Variants in HAPLN1 observed in about 807,000 individuals in gnomAD.
HAPLN1 encodes hyaluronan and proteoglycan link protein 1, also known as Cartilage link protein.
A neutral mutation model predicts 36.5 loss-of-function variants in HAPLN1; 13 were observed. The observed-to-expected ratio is 0.36, with a 90% CI of 0.23 to 0.57. The LOEUF (loss-of-function observed/expected upper bound fraction) is 0.57, where lower values mean the gene tolerates loss of function less well. Ranked by LOEUF, HAPLN1 falls within the 20% of genes least tolerant of loss-of-function variation. The pLI is 0.83. For missense variants in HAPLN1, 407 were observed against 439.7 expected, an observed-to-expected ratio of 0.93 and a Z score of 0.66; for synonymous variants, 202 against 169.8, an observed-to-expected ratio of 1.19 and a Z score of -1.48.
At chr5:83,660,480 G>A (rs1750354320) in intron 2 of HAPLN1, among the ~76,000 whole-genome samples, 1 of 152,134 alleles carries the variant, frequency 6.6e-6, no homozygotes, top group African/African-American at 2.4e-5. Context: ...CTCTGCTTGA[G>A]ATGGGCATCA....
At chr5:83,650,575 G>A (rs1750026371) in intron 3 of HAPLN1, among the ~76,000 whole-genome samples, 1 of 151,468 alleles carries the variant, frequency 6.6e-6, no homozygotes, top group Non-Finnish European at 1.5e-5. Context: ...TGTTCCCTAA[G>A]CATGGAGAGT....
chr5:83,705,820 A>T (rs923783465), intron 1 of HAPLN1, among the ~76,000 whole-genome samples: 14 of 152,134 alleles, frequency 9.2e-5, no homozygotes, highest in African/African-American at 3.4e-4. Context: ...AGATCGAAAG[A>T]CTGCTAACTA....
intron 2 of HAPLN1, among the ~76,000 whole-genome samples, chr5:83,672,070 C>T (rs186042543): frequency 6.6e-6 from 1 of 152,282 alleles, no homozygotes; most frequent in East Asian, 1.9e-4. Context: ...TTCTCATACT[C>T]TGAGTGCAAT....
At chr5:83,695,114 T>C (rs78597312) in intron 1 of HAPLN1, among the ~76,000 whole-genome samples, 2,311 of 152,210 alleles carry the variant, frequency 0.015, 20 homozygotes, top group Middle Eastern at 0.027. Flanking sequence ...TATTAGAAAA[T>C]CAATGTAATT....
intron 1 of HAPLN1, among the ~76,000 whole-genome samples, chr5:83,679,521 C>T (rs1367666864): frequency 6.6e-6 from 1 of 152,150 alleles, no homozygotes; most frequent in Non-Finnish European, 1.5e-5. Context: ...ACCTCCAAAT[C>T]TTTCTGACCC....
intron 2 of HAPLN1, among the ~76,000 whole-genome samples, chr5:83,657,016 C>T (rs984946156): frequency 2.6e-5 from 4 of 151,728 alleles, no homozygotes; most frequent in East Asian, 1.9e-4. Flanking sequence ...ATTTATTTGG[C>T]GGTTTATACC....
chr5:83,697,059 C>G (rs910613932), intron 1 of HAPLN1, among the ~76,000 whole-genome samples: 1 of 152,118 alleles, frequency 6.6e-6, no homozygotes, highest in South Asian at 2.1e-4. Flanking sequence ...TTCCCTCCCC[C>G]ACCAGGATTC....
intron 2 of HAPLN1, among the ~76,000 whole-genome samples, chr5:83,670,513 T>A (rs1258970395): frequency 6.6e-6 from 1 of 152,210 alleles, no homozygotes; most frequent in Admixed American, 6.5e-5. Context: ...AATGAAAAAT[T>A]AAAGGAAATG....
At chr5:83,707,830 A>G (rs1430408467) in intron 1 of HAPLN1, among the ~76,000 whole-genome samples, 1 of 152,144 alleles carries the variant, frequency 6.6e-6, no homozygotes, top group Non-Finnish European at 1.5e-5. Context: ...CAAACTATAC[A>G]TCTGTAAGAA....
rs1379269 is a variant in HAPLN1 at position 83,645,475 on chromosome 5, C to T, written c.473-810G>A. Among the ~76,000 whole-genome samples, 504 of 74,296 alleles carry T rather than the reference C, an allele frequency of 6.8e-3. 3 individuals carry two copies. Among genetic ancestry groups the T allele is most frequent in the African/African-American group, 9.1e-3 (147 of 16,066 alleles). 48.7% of individuals were successfully genotyped at this position (74,296 alleles called of 152,430 possible). Reference sequence around the variant, plus strand: ...GTGATTTTCTTTTTTCTTTTTCTTTCTTTTTTTTTTTTTTTTAGCTCATCA... The same window carrying T: ...GTGATTTTCTTTTTTCTTTTTCTTTTTTTTTTTTTTTTTTTTAGCTCATCA... On this transcript the variant is annotated intron_variant, in intron 3 of 4. Transcript: ENST00000274341.
intron 1 of HAPLN1, among the ~76,000 whole-genome samples, chr5:83,717,898 C>G (rs552066444): frequency 6.6e-6 from 1 of 152,240 alleles, no homozygotes; most frequent in South Asian, 2.1e-4. Flanking sequence ...ACTATCCTTT[C>G]CAATTTAATA....
intron 2 of HAPLN1, among the ~76,000 whole-genome samples, chr5:83,661,709 T>C (rs908732858): frequency 9.9e-5 from 15 of 151,358 alleles, no homozygotes; most frequent in Non-Finnish European, 2.1e-4. Flanking sequence ...TCCCAAAGTG[T>C]TGGGATTACA....
intron 1 of HAPLN1, among the ~76,000 whole-genome samples, chr5:83,694,541 T>A (rs1751348925): frequency 6.6e-6 from 1 of 151,974 alleles, no homozygotes; most frequent in South Asian, 2.1e-4. Flanking sequence ...ATATGAATTA[T>A]CAATATAATG....
intron 4 of HAPLN1, among the ~76,000 whole-genome samples, chr5:83,643,887 G>A (rs1035637327): frequency 3.3e-5 from 5 of 152,200 alleles, no homozygotes; most frequent in African/African-American, 1.2e-4. Context: ...CTTTCACCTT[G>A]AGAGTTAGTT....
intron 2 of HAPLN1, among the ~76,000 whole-genome samples, chr5:83,670,934 C>A (rs2112595087): frequency 6.6e-6 from 1 of 152,232 alleles, no homozygotes; most frequent in South Asian, 2.1e-4. Context: ...ACCTCGTGAT[C>A]CACCCGCCTC....
intron 1 of HAPLN1, among the ~76,000 whole-genome samples, chr5:83,687,677 T>A (rs1304959044): frequency 3.9e-5 from 6 of 152,222 alleles, no homozygotes; most frequent in African/African-American, 1.4e-4. Context: ...CCAGCACATA[T>A]GCTGAAAAAA....
At chr5:83,719,716 G>A (rs1751982257) in intron 1 of HAPLN1, among the ~76,000 whole-genome samples, 1 of 152,140 alleles carries the variant, frequency 6.6e-6, no homozygotes, top group Non-Finnish European at 1.5e-5. Flanking sequence ...TGAAATGACT[G>A]AAATGTGTAT....
intron 1 of HAPLN1, chr5:83,675,183 C>T (rs1750831416): frequency 1.3e-5 from 2 of 151,962 alleles, no homozygotes. Flanking sequence ...TATTTTCAGC[C>T]CAGGATTGTG....
At chr5:83,715,484 G>A (rs565943523) in intron 1 of HAPLN1, among the ~76,000 whole-genome samples, 14 of 152,256 alleles carry the variant, frequency 9.2e-5, no homozygotes, top group African/African-American at 3.4e-4. Flanking sequence ...TTCATGATGC[G>A]TATCCATCTG....
Sources: gnomAD v4.1 joint callset for allele counts (sites outside exome capture counted in the v4.1 genomes callset) on GRCh38, gnomAD v4.1.1 for gene constraint, MANE v1.5 for transcripts, NCBI Gene and HGNC (gene_info 2026-07-23, HGNC 2026-07-21) for gene names.